Variants in USB1 observed in about 807,000 individuals in gnomAD.
The protein encoded by USB1 is U6 snRNA phosphodiesterase 1.
A neutral mutation model predicts 29.9 loss-of-function variants in USB1; 21 were observed. The observed-to-expected ratio is 0.70, with a 90% confidence interval of 0.50 to 1.01. The LOEUF (loss-of-function observed/expected upper bound fraction) is 1.01, where lower values mean the gene tolerates loss of function less well. Ranked by LOEUF, USB1 falls within the 50% of genes least tolerant of loss-of-function variation. The pLI is 0.00. For synonymous variants in USB1, 143 were observed against 134.9 expected (o/e 1.06, Z -0.42); for missense variants, 330 against 347.1 (o/e 0.95, Z 0.39).
chr16:58,000,003 G>C (rs1963124358), upstream of USB1: 1 of 152,760 alleles, frequency 6.5e-6, no homozygotes, highest in Non-Finnish European at 1.5e-5. The surrounding 1 kb of genome is among the most constrained non-coding windows in gnomAD (Gnocchi z 4.5). Flanking sequence ...CCGCAAAGGG[G>C]AGAGAGGAGG....
intron 2 of USB1, among the ~76,000 whole-genome samples, chr16:58,009,612 C>T (rs1177783793): frequency 2.0e-5 from 3 of 151,652 alleles, no homozygotes; most frequent in Non-Finnish European, 4.4e-5. Flanking sequence ...GTAGTCCCAG[C>T]TACTCGGGAG....
chr16:58,021,303 G>C lies in USB1; in HGVS notation c.*1058G>C, dbSNP rs1042882035. ...CAGATGTTTCATTTTGGCCTGGCCA[G>C]TGGCTGAAAGCCAGGCCTCCAATGC... On this transcript the variant is annotated 3_prime_UTR_variant, in exon 7 of 7. Transcript: ENST00000219281. 3.3e-5 allele frequency: 5 copies of C among 152,270 alleles called. No individual in the cohort carries two copies. The highest frequency in any genetic ancestry group is 7.3e-5 in the Non-Finnish European group (5 of 68,050). 9.4% of individuals were successfully genotyped at this position (152,270 alleles called of 1,614,324 possible). A position where few individuals can be genotyped will look rare whatever the true frequency, so the allele number is the denominator to read the frequency against.
chr16:58,002,698 T>C, intron 2 of USB1, 53 bp downstream of exon 2: 1 of 1,610,664 alleles, frequency 6.2e-7, no homozygotes, highest in Admixed American at 1.7e-5. Context: ...CGTAGGTGCC[T>C]CATGAAGGGC....
intron 2 of USB1, among the ~76,000 whole-genome samples, chr16:58,008,190 A>G (rs1051375725): frequency 6.6e-6 from 1 of 152,014 alleles, no homozygotes; most frequent in Non-Finnish European, 1.5e-5. Flanking sequence ...CCCATCTTTC[A>G]TTCCTGATTT....
intron 1 of USB1, 154 bp downstream of exon 1, chr16:58,001,735 A>G (rs1555497560): frequency 6.5e-6 from 6 of 918,258 alleles, no homozygotes; most frequent in Non-Finnish European, 8.3e-6. Context: ...CAGAAGATAT[A>G]CCCCTCCCCC....
chr16:58,003,561 T>C (rs1963283917), intron 2 of USB1, among the ~76,000 whole-genome samples: 1 of 152,232 alleles, frequency 6.6e-6, no homozygotes, highest in Non-Finnish European at 1.5e-5. Context: ...GCCATTCTAA[T>C]AGGTGTGTAG....
intron 4 of USB1, chr16:58,016,863 T>C (rs1597054513): frequency 5.5e-6 from 1 of 182,840 alleles, no homozygotes; most frequent in East Asian, 1.3e-4. Flanking sequence ...TCACTGAGAA[T>C]GGGATGGGGA....
upstream of USB1, chr16:58,000,408 A>T (rs1963145122): frequency 6.7e-6 from 1 of 149,860 alleles, no homozygotes; most frequent in Non-Finnish European, 1.5e-5. The surrounding 1 kb of genome is among the most constrained non-coding windows in gnomAD (Gnocchi z 4.5). Flanking sequence ...CACCTGCTCC[A>T]GGCCGCCTGC....
At chr16:58,006,373 A>C in intron 2 of USB1, among the ~76,000 whole-genome samples, 1 of 151,246 alleles carries the variant, frequency 6.6e-6, no homozygotes, top group Admixed American at 6.6e-5. Context: ...AAAAACAAAA[A>C]AAAAAAACGG....
At chr16:58,002,876 CT>C (rs1367010786) in intron 2 of USB1, among the ~76,000 whole-genome samples, 1 of 152,162 alleles carries the variant, frequency 6.6e-6, no homozygotes, top group Non-Finnish European at 1.5e-5. Flanking sequence ...GTATAATATT[CT>C]CCCTGTTCAC....
chr16:58,010,770 G>C (rs1343316781), intron 3 of USB1: 7 of 532,188 alleles, frequency 1.3e-5, no homozygotes, highest in Non-Finnish European at 2.4e-5. Context: ...GGTCTGGAAG[G>C]GTCCCGAGCA....
chr16:58,001,402 A>G, upstream of USB1: 3 of 1,501,928 alleles, frequency 2.0e-6, no homozygotes, highest in Non-Finnish European at 2.7e-6. Context: ...CGCCCCTGGG[A>G]GGGCGCTTCC....
chr16:58,020,503 T>G lies in USB1; in HGVS notation c.*258T>G. On this transcript the variant is annotated 3_prime_UTR_variant, in exon 7 of 7. Transcript: ENST00000219281. Reference sequence around the variant, plus strand: ...TCCTCTCCTCTCTTCCTCTCTTCTCTCTTCCTCTCCTCTCTCTCTTCCTCT... The same window carrying G: ...TCCTCTCCTCTCTTCCTCTCTTCTCGCTTCCTCTCCTCTCTCTCTTCCTCT... 7.5e-6 allele frequency: 4 copies of G among 536,206 alleles called. No individual in the cohort carries two copies. The Admixed American group carries it at 1.3e-4, about 17-fold the overall frequency. The allele number at this position is 536,206 out of a possible 1,614,324, so 33.2% of individuals were successfully genotyped here.
chr16:58,002,638 T>C lies in USB1; in HGVS notation c.258T>C (p.Tyr86=), dbSNP rs199820065. The part of the protein sequence containing the change: ...HERGNWATHV[Y]VPYEAKEEFL... ...GAGGCAACTGGGCCACCCACGTCTA[T>C]GTACCATGTGAGTGATGTGTGAAAG... The change falls in exon 2 of 7, where the codon TAT becomes TAC. Residue 86 remains tyrosine (Y), a synonymous_variant. Transcript: ENST00000219281. 8.7e-6 allele frequency: 14 copies of C among 1,613,856 alleles called. No homozygotes were observed. The Admixed American group carries it at 1.3e-4, about 15-fold the overall frequency.
intron 2 of USB1, among the ~76,000 whole-genome samples, chr16:58,006,842 A>G (rs1963372102): frequency 6.6e-6 from 1 of 152,238 alleles, no homozygotes; most frequent in African/African-American, 2.4e-5. Flanking sequence ...CCTATCAGTT[A>G]GCTATAGGTA....
intron 3 of USB1, chr16:58,010,734 G>C (rs1407485416): frequency 1.8e-5 from 8 of 443,954 alleles, no homozygotes; most frequent in Non-Finnish European, 3.3e-5. Flanking sequence ...CACATGAACA[G>C]CCAGATGAAG....
chr16:58,012,439 G>C, intron 3 of USB1: 1 of 1,237,198 alleles, frequency 8.1e-7, no homozygotes, highest in Non-Finnish European at 1.1e-6. Flanking sequence ...GTGGACCGGG[G>C]TGACAAGATA....
chr16:58,021,251 C>G lies in USB1; in HGVS notation c.*1006C>G, dbSNP rs1200300206. Reference sequence around the variant, plus strand: ...CTCCACTTCTTTCTCCCACTCACCCCCAGCAAGGTGCCTGGGGAGACTTGA... The same window carrying G: ...CTCCACTTCTTTCTCCCACTCACCCGCAGCAAGGTGCCTGGGGAGACTTGA... On this transcript the variant is annotated 3_prime_UTR_variant, in exon 7 of 7. Coordinates refer to ENST00000219281, the MANE Select transcript of USB1 (RefSeq NM_024598.4). The G allele has an allele frequency of 6.6e-6, 1 of 152,298 alleles. No individual in the cohort carries two copies. Among genetic ancestry groups the G allele is most frequent in the South Asian group, 2.1e-4 (1 of 4,832 alleles). The allele number at this position is 152,298 out of a possible 1,614,324, so 9.4% of individuals were successfully genotyped here.
At position 58,014,253 on chromosome 16, in the gene USB1, T is replaced by A; in HGVS notation, c.450-20T>A. On this transcript the variant is annotated intron_variant, in intron 3 of 6. Transcript: ENST00000219281. ...TTTTTTCTTACGATTTTTCCTGAAA[T>A]ATGGTCTTCTAAATTTCAGATTCTT... The A allele has an allele frequency of 6.2e-7, 1 of 1,604,704 alleles. No homozygotes were observed. The highest frequency in any genetic ancestry group is 8.5e-7 in the Non-Finnish European group (1 of 1,172,382).
Sources: gnomAD v4.1 joint callset for allele counts (sites outside exome capture counted in the v4.1 genomes callset) on GRCh38, gnomAD v4.1.1 for gene constraint, Gnocchi (gnomAD v3.1) non-coding constraint, MANE v1.5 for transcripts, NCBI Gene and HGNC (gene_info 2026-07-23, HGNC 2026-07-21) for gene names.